Variants in TSPAN9 observed in about 807,000 individuals in gnomAD.
The protein encoded by TSPAN9 is tetraspanin 9, also known as tetraspanin-9.
A neutral mutation model predicts 31.0 loss-of-function variants in TSPAN9; 16 were observed. That is an observed-to-expected ratio of 0.52 (90% CI 0.35 to 0.78). TSPAN9 has a LOEUF of 0.78. TSPAN9 is among the 30% of genes least tolerant of loss of function. TSPAN9 has a pLI of 0.01. For synonymous variants in TSPAN9, 145 were observed against 121.6 expected (o/e 1.19, Z -1.27); for missense variants, 272 against 312.5 (o/e 0.87, Z 0.98).
intron 3 of TSPAN9, among the ~76,000 whole-genome samples, chr12:3,218,907 A>AG (rs1348028274): frequency 1.3e-5 from 2 of 152,090 alleles, no homozygotes; most frequent in Non-Finnish European, 2.9e-5. Flanking sequence ...ATATAGCTGG[A>AG]GCCCCCCAAA....
intron 3 of TSPAN9, among the ~76,000 whole-genome samples, chr12:3,210,807 C>A (rs1443075313): frequency 3.3e-5 from 5 of 150,442 alleles, no homozygotes; most frequent in Non-Finnish European, 7.4e-5. Context: ...TGCAGTGGCA[C>A]AATCATGGCT....
In TSPAN9 at chr12:3,225,768, A is replaced by G. The variant is rs142596202; in HGVS notation, c.63+24512A>G. On this transcript the variant is annotated intron_variant, in intron 3 of 8. Coordinates refer to ENST00000011898, the MANE Select transcript of TSPAN9 (RefSeq NM_006675.5). ...TTTTTTTTTTTCAAATAGGTTTCGT[A>G]TATCAGAGGGTCTTGTGACTAGGGC... 1.2e-3 allele frequency among the ~76,000 whole-genome samples: 188 copies of G among 151,630 alleles called. 2 individuals are homozygous for G. In the East Asian group the frequency reaches 0.028, roughly 23 times the overall value.
intron 2 of TSPAN9, among the ~76,000 whole-genome samples, chr12:3,100,472 C>G (rs1056869481): frequency 6.6e-6 from 1 of 152,224 alleles, no homozygotes; most frequent in Non-Finnish European, 1.5e-5. Context: ...AGGAAGTAAG[C>G]TGGACAATCA....
chr12:3,105,845 C>CTCA (rs1184540344), intron 2 of TSPAN9, among the ~76,000 whole-genome samples: 1 of 123,934 alleles, frequency 8.1e-6, no homozygotes, highest in African/African-American at 2.8e-5. Flanking sequence ...CATACACACG[C>CTCA]TCACACACGT....
intron 2 of TSPAN9, among the ~76,000 whole-genome samples, chr12:3,096,575 TGTGGCC>T (rs2098309133): frequency 6.6e-6 from 1 of 152,062 alleles, no homozygotes; most frequent in South Asian, 2.1e-4. Flanking sequence ...ATCTAAGAGA[TGTGGCC>T]CTAATCTCAT....
chr12:3,222,485 C>T (rs2098385088), intron 3 of TSPAN9, among the ~76,000 whole-genome samples: 1 of 152,214 alleles, frequency 6.6e-6, no homozygotes, highest in African/African-American at 2.4e-5. Flanking sequence ...ATGGGCCACC[C>T]CTGGCACCCC....
At chr12:3,097,949 C>T (rs1189284965) in intron 2 of TSPAN9, among the ~76,000 whole-genome samples, 1 of 152,248 alleles carries the variant, frequency 6.6e-6, no homozygotes, top group Non-Finnish European at 1.5e-5. Context: ...CGTGGAAGTT[C>T]AGGAGCTCAG....
chr12:3,114,329 A>G (rs184489952), intron 2 of TSPAN9, among the ~76,000 whole-genome samples: 40 of 152,268 alleles, frequency 2.6e-4, no homozygotes, highest in Non-Finnish European at 4.6e-4. Context: ...CTTATAAAGT[A>G]TAGAAACCAT....
At position 3,187,340 on chromosome 12, in the gene TSPAN9, A is replaced by G. The variant is rs2098361946; in HGVS notation, c.-17-13837A>G. 6.6e-6 allele frequency among the ~76,000 whole-genome samples: 1 copy of G among 152,108 alleles called. No homozygotes were observed. Among genetic ancestry groups the G allele is most frequent in the Admixed American group, 6.5e-5 (1 of 15,274 alleles). On this transcript the variant is annotated intron_variant, in intron 2 of 8. Transcript: ENST00000011898. This position sits in a 1 kb window ranked among gnomAD's most constrained non-coding sequence, Gnocchi z 5.2. ...TTCCTAGCTGGGTAATCCTAAATGC[A>G]TGAGTGTCCTCTCAGCCTGCTTCCT... is the stretch of plus-strand genomic sequence containing the variant.
At chr12:3,228,006 T>C (rs1201645466) in intron 3 of TSPAN9, among the ~76,000 whole-genome samples, 2 of 152,164 alleles carry the variant, frequency 1.3e-5, no homozygotes, top group Non-Finnish European at 2.9e-5. Context: ...TAAAATTCAT[T>C]GAGCAATTAC....
intron 2 of TSPAN9, among the ~76,000 whole-genome samples, chr12:3,178,527 G>A (rs1436334136): frequency 6.6e-6 from 1 of 152,184 alleles, no homozygotes; most frequent in Non-Finnish European, 1.5e-5. Flanking sequence ...CTGACCTAAG[G>A]TGATCTGCCC....
intron 2 of TSPAN9, among the ~76,000 whole-genome samples, chr12:3,098,039 A>C (rs1173840101): frequency 6.6e-6 from 1 of 151,592 alleles, no homozygotes; most frequent in Non-Finnish European, 1.5e-5. Context: ...GCACCGATGC[A>C]GGACGTCGGC....
At chr12:3,268,278 G>GCA (rs1455309528) in intron 3 of TSPAN9, among the ~76,000 whole-genome samples, 1 of 137,526 alleles carries the variant, frequency 7.3e-6, no homozygotes, top group South Asian at 2.4e-4. Context: ...TGCCCTCTCT[G>GCA]TTCCTGCAGC....
At chr12:3,146,491 G>A (rs999990672) in intron 2 of TSPAN9, among the ~76,000 whole-genome samples, 1 of 152,206 alleles carries the variant, frequency 6.6e-6, no homozygotes, top group African/African-American at 2.4e-5. Flanking sequence ...AGCTGTGCAC[G>A]AGACAGACAA....
chr12:3,221,360 CTTT>C (rs61424013), intron 3 of TSPAN9, among the ~76,000 whole-genome samples: 3 of 141,308 alleles, frequency 2.1e-5, no homozygotes, highest in East Asian at 2.1e-4. Flanking sequence ...ATATTTTTCT[CTTT>C]TTTTTTTTTT....
intron 2 of TSPAN9, among the ~76,000 whole-genome samples, chr12:3,156,341 G>A (rs949154886): frequency 2.6e-5 from 4 of 152,140 alleles, no homozygotes; most frequent in African/African-American, 9.7e-5. Context: ...CTCCCTCCAT[G>A]TAGCCCCCTC....
At chr12:3,225,500 T>C (rs569116185) in intron 3 of TSPAN9, among the ~76,000 whole-genome samples, 109 of 152,198 alleles carry the variant, frequency 7.2e-4, no homozygotes, top group African/African-American at 2.6e-3. Flanking sequence ...ACAGGAGTCA[T>C]GCACGTGCAG....
At chr12:3,089,192 A>C (rs2098302537) in intron 2 of TSPAN9, among the ~76,000 whole-genome samples, 1 of 149,982 alleles carries the variant, frequency 6.7e-6, no homozygotes. Flanking sequence ...AGATCGCGCC[A>C]CTGCACTCCA....
At chr12:3,109,848 G>C (rs540830522) in intron 2 of TSPAN9, among the ~76,000 whole-genome samples, 1 of 145,934 alleles carries the variant, frequency 6.9e-6, no homozygotes, top group Non-Finnish European at 1.5e-5. Context: ...CAATTTTAAA[G>C]AGACCAGAGG....
Sources: allele counts gnomAD v4.1 joint callset (sites outside exome capture counted in the v4.1 genomes callset), GRCh38; gene constraint gnomAD v4.1.1; non-coding constraint Gnocchi (gnomAD v3.1); transcripts MANE v1.5; gene names NCBI Gene and HGNC (gene_info 2026-07-23, HGNC 2026-07-21).